Variants in PALM2AKAP2 observed in about 807,000 individuals in gnomAD.
PALM2AKAP2 encodes the protein PALM2-AKAP2 fusion protein.
In PALM2AKAP2, 37 loss-of-function variants were observed where a neutral mutation model predicts 71.5. That is an observed-to-expected ratio of 0.52 (90% confidence interval 0.40 to 0.68). The LOEUF is 0.68. Ranked by LOEUF, PALM2AKAP2 falls within the 30% of genes least tolerant of loss-of-function variation. The pLI is 0.00. For synonymous variants in PALM2AKAP2, 468 were observed against 478.8 expected, an observed-to-expected ratio of 0.98 and a Z score of 0.29; for missense variants, 1,224 against 1,191.8, an observed-to-expected ratio of 1.03 and a Z score of -0.40.
intron 1 of PALM2AKAP2, among the ~76,000 whole-genome samples, chr9:109,716,584 TG>T (rs5899864): frequency 0.2 from 30,960 of 152,018 alleles, 3,490 homozygotes; most frequent in East Asian, 0.37. Flanking sequence ...GGCAGGTACC[TG>T]GAAAGACTCC....
chr9:110,100,376 T>C (rs1834967982), intron 1 of PALM2AKAP2, among the ~76,000 whole-genome samples: 1 of 152,072 alleles, frequency 6.6e-6, no homozygotes, highest in South Asian at 2.1e-4. Context: ...CCTAGTCTTT[T>C]CTTGGTCACA....
intron 1 of PALM2AKAP2, among the ~76,000 whole-genome samples, chr9:110,049,195 T>C (rs1386351879): frequency 6.6e-6 from 1 of 152,258 alleles, no homozygotes; most frequent in Non-Finnish European, 1.5e-5. Context: ...TGTGTGTCCT[T>C]TTCAGGAAAA....
chr9:109,774,790 C>T (rs1829326251), intron 1 of PALM2AKAP2, among the ~76,000 whole-genome samples: 3 of 152,184 alleles, frequency 2.0e-5, no homozygotes, highest in East Asian at 1.9e-4. Context: ...AGAGCACCTA[C>T]CATGGCCAAT....
chr9:109,995,882 G>A (rs1832567372), intron 6 of PALM2AKAP2, among the ~76,000 whole-genome samples: 2 of 152,190 alleles, frequency 1.3e-5, no homozygotes, highest in Admixed American at 6.5e-5. Context: ...GGCCTGAACT[G>A]GTGCACTTGC....
intron 1 of PALM2AKAP2, among the ~76,000 whole-genome samples, chr9:109,824,416 G>A (rs971085682): frequency 4.6e-5 from 7 of 152,308 alleles, no homozygotes; most frequent in African/African-American, 1.7e-4. Flanking sequence ...AGTGATGTCT[G>A]ATCACCACTG....
chr9:109,820,221 G>A (rs1827961350), intron 1 of PALM2AKAP2, among the ~76,000 whole-genome samples: 1 of 152,334 alleles, frequency 6.6e-6, no homozygotes, highest in African/African-American at 2.4e-5. Context: ...ATTTTTGAAA[G>A]TTAATTTATG....
chr9:110,135,881 T>C (rs917437464), intron 1 of PALM2AKAP2, among the ~76,000 whole-genome samples: 14 of 152,186 alleles, frequency 9.2e-5, no homozygotes, highest in African/African-American at 3.4e-4. Context: ...TCTTCCACCT[T>C]AGTAGATAAA....
intron 3 of PALM2AKAP2, among the ~76,000 whole-genome samples, chr9:109,913,140 G>A (rs950436796): frequency 3.3e-5 from 5 of 152,196 alleles, no homozygotes; most frequent in African/African-American, 1.2e-4. Context: ...CTTAGCCCCT[G>A]TCCCCACACT....
intron 1 of PALM2AKAP2, among the ~76,000 whole-genome samples, chr9:109,794,911 AG>A (rs1358652584): frequency 6.6e-6 from 1 of 152,250 alleles, no homozygotes; most frequent in Non-Finnish European, 1.5e-5. Context: ...TGAAGTGGAC[AG>A]GGTTGTGGAC....
chr9:110,137,151 G>T, exon 2 of PALM2AKAP2: 1 of 1,613,626 alleles, frequency 6.2e-7, no homozygotes, highest in Non-Finnish European at 8.5e-7. Context: ...TCTCATGAAC[G>T]CGCAAGCATG....
At chr9:109,710,889 G>T (rs1343974323) in intron 1 of PALM2AKAP2, among the ~76,000 whole-genome samples, 1 of 152,122 alleles carries the variant, frequency 6.6e-6, no homozygotes, top group African/African-American at 2.4e-5. Context: ...TTCTGGAAAA[G>T]AAAGAGCAGG....
chr9:110,047,991 G>T (rs1833630244), upstream of PALM2AKAP2, among the ~76,000 whole-genome samples: 1 of 152,156 alleles, frequency 6.6e-6, no homozygotes, highest in Non-Finnish European at 1.5e-5. Flanking sequence ...GTTAGCACAC[G>T]CGCTCTGACA....
rs183408040 is a variant in PALM2AKAP2 at position 109,708,091 on chromosome 9, C to T, written c.5+67225C>T. Among the ~76,000 whole-genome samples the T allele has an allele frequency of 4.0e-4, 61 of 152,254 alleles. 2 individuals carry two copies. In the East Asian group the frequency reaches 0.011, roughly 27 times the overall value. ...CCTCCACTATCTTTCTTCTTTAAAT[C>T]GCTGTGGGCATCATTGTCATATTTC... On this transcript the variant is annotated intron_variant, in intron 1 of 6. Coordinates refer to the PALM2AKAP2 transcript ENST00000374531.
Position 109,719,615 on chromosome 9 carries a change from G to A in PALM2AKAP2, c.6-60873G>A, listed in dbSNP as rs116457421. Among the ~76,000 whole-genome samples, 303 of 152,326 alleles carry A rather than the reference G, an allele frequency of 2.0e-3. 2 individuals are homozygous for A. Among genetic ancestry groups the A allele is most frequent in the African/African-American group, 7.0e-3 (290 of 41,586 alleles). Reference sequence around the variant, plus strand: ...ATATTCACTATTGTGATGATGAAATGTATAGGTGAGAATTCATGGATAGTT... The same window carrying A: ...ATATTCACTATTGTGATGATGAAATATATAGGTGAGAATTCATGGATAGTT... On this transcript the variant is annotated intron_variant, in intron 1 of 6. Transcript: ENST00000374531.
intron 1 of PALM2AKAP2, among the ~76,000 whole-genome samples, chr9:109,766,533 A>G (rs575943113): frequency 6.6e-6 from 1 of 152,228 alleles, no homozygotes; most frequent in Non-Finnish European, 1.5e-5. Flanking sequence ...TAGAGTTCAC[A>G]GCATTGTGAA....
At chr9:109,982,215 T>C (rs1832284545) in intron 6 of PALM2AKAP2, among the ~76,000 whole-genome samples, 1 of 152,210 alleles carries the variant, frequency 6.6e-6, no homozygotes, top group Non-Finnish European at 1.5e-5. Context: ...ACAAACTTTG[T>C]TTATTTTCAC....
At chr9:109,824,732 G>A (rs929852945) in intron 1 of PALM2AKAP2, among the ~76,000 whole-genome samples, 3 of 152,202 alleles carry the variant, frequency 2.0e-5, no homozygotes, top group Non-Finnish European at 4.4e-5. Context: ...ATGTTTGTGA[G>A]CCATGATAGG....
intron 1 of PALM2AKAP2, among the ~76,000 whole-genome samples, chr9:109,657,628 A>C (rs1405663692): frequency 1.3e-5 from 2 of 152,162 alleles, no homozygotes; most frequent in Non-Finnish European, 2.9e-5. Context: ...CAGAAACGGA[A>C]AGACAGGTTG....
intron 6 of PALM2AKAP2, among the ~76,000 whole-genome samples, chr9:109,992,143 G>T (rs1441306389): frequency 6.6e-6 from 1 of 152,118 alleles, no homozygotes; most frequent in African/African-American, 2.4e-5. Flanking sequence ...TACTCTCTCT[G>T]AAGGTCTAGG....
Sources: gnomAD v4.1 joint callset for allele counts (sites outside exome capture counted in the v4.1 genomes callset) on GRCh38, gnomAD v4.1.1 for gene constraint, MANE v1.5 for transcripts, NCBI Gene and HGNC (gene_info 2026-07-23, HGNC 2026-07-21) for gene names.